DAB1: variants seen among roughly 807,000 people sequenced by gnomAD.
DAB1 encodes DAB adaptor protein 1.
A neutral mutation model predicts 64.6 loss-of-function variants in DAB1; 15 were observed. The ratio of observed to expected loss-of-function variants is 0.23; its 90% CI spans 0.16 to 0.36. The LOEUF is 0.36. Among genes scored for constraint, DAB1 ranks in the 10% least tolerant of loss-of-function variants. The probability of loss-of-function intolerance (pLI) is 1.00; values close to 1 mark genes in which losing one functional copy is unlikely to be tolerated. For missense variants in DAB1, 596 were observed against 706.7 expected (o/e 0.84, Z 1.78); for synonymous variants, 235 against 251.9 (o/e 0.93, Z 0.64).
chr1:58,232,476 TAC>T (rs58863239), intron 4 of DAB1, among the ~76,000 whole-genome samples: 6,873 of 143,910 alleles, frequency 0.048, 173 homozygotes, highest in South Asian at 0.066. Context: ...TCTGAGTGAA[TAC>T]ACACACACAC....
intron 4 of DAB1, among the ~76,000 whole-genome samples, chr1:58,192,746 G>A (rs971048714): frequency 6.6e-6 from 1 of 152,062 alleles, no homozygotes; most frequent in Non-Finnish European, 1.5e-5. Context: ...TTTTGCTATT[G>A]TGAATAGTGC....
chr1:57,804,071 C>T (rs1013754560), intron 6 of DAB1, among the ~76,000 whole-genome samples: 1 of 152,042 alleles, frequency 6.6e-6, no homozygotes, highest in African/African-American at 2.4e-5. Context: ...TTACTGGCAT[C>T]GTGATATGGT....
At chr1:57,983,987 T>C (rs1044876848) in intron 5 of DAB1, among the ~76,000 whole-genome samples, 2 of 151,930 alleles carry the variant, frequency 1.3e-5, no homozygotes, top group African/African-American at 2.4e-5. Flanking sequence ...CACATGCACA[T>C]GTGCACACAC....
chr1:58,522,344 T>C (rs1475771950), intron 2 of DAB1, among the ~76,000 whole-genome samples: 1 of 152,102 alleles, frequency 6.6e-6, no homozygotes, highest in Non-Finnish European at 1.5e-5. Context: ...GTGCAGAAAA[T>C]GCATTTGATA....
chr1:58,304,050 G>A (rs1557727214), intron 4 of DAB1, among the ~76,000 whole-genome samples: 1 of 152,066 alleles, frequency 6.6e-6, no homozygotes, highest in Non-Finnish European at 1.5e-5. Flanking sequence ...AAATAGACTT[G>A]CCCAGGGTGA....
At chr1:58,167,922 C>T (rs1174992511) in intron 4 of DAB1, among the ~76,000 whole-genome samples, 1 of 152,234 alleles carries the variant, frequency 6.6e-6, no homozygotes, top group Non-Finnish European at 1.5e-5. Flanking sequence ...GTAACACTCA[C>T]TGTGAGGGTC....
At chr1:57,351,092 A>C (rs1207057770) in intron 1 of DAB1, among the ~76,000 whole-genome samples, 2 of 152,170 alleles carry the variant, frequency 1.3e-5, no homozygotes, top group African/African-American at 4.8e-5. Context: ...TGTTATGAAG[A>C]GATGCACTAT....
At chr1:57,752,589 T>C (rs80294771) in intron 6 of DAB1, among the ~76,000 whole-genome samples, 4,107 of 152,202 alleles carry the variant, frequency 0.027, 88 homozygotes, top group Non-Finnish European at 0.038. Flanking sequence ...TAAATGAAAG[T>C]CTATTTGATT....
intron 3 of DAB1, among the ~76,000 whole-genome samples, chr1:58,452,740 A>T (rs2100296925): frequency 6.6e-6 from 1 of 152,118 alleles, no homozygotes; most frequent in Middle Eastern, 3.4e-3. Context: ...ACGCGGGAGA[A>T]TCACTTGAAC....
chr1:58,151,673 C>A (rs181893296), intron 4 of DAB1, among the ~76,000 whole-genome samples: 1,559 of 152,250 alleles, frequency 0.01, 8 homozygotes, highest in South Asian at 0.031. Context: ...CTCATTCATT[C>A]TTTTGTGCAT....
intron 5 of DAB1, among the ~76,000 whole-genome samples, chr1:57,893,522 C>T (rs1644348543): frequency 6.6e-6 from 1 of 152,086 alleles, no homozygotes; most frequent in Non-Finnish European, 1.5e-5. Context: ...TGGTCCCTGC[C>T]CTCAGGAAGC....
intron 2 of DAB1, among the ~76,000 whole-genome samples, chr1:57,283,634 C>T (rs1672087138): frequency 6.6e-6 from 1 of 152,238 alleles, no homozygotes; most frequent in Admixed American, 6.5e-5. Flanking sequence ...AGAAAATGTG[C>T]TGAGCCTTGA....
At chr1:57,424,887 G>A (rs921729301), upstream of DAB1, among the ~76,000 whole-genome samples, 1 of 152,142 alleles carries the variant, frequency 6.6e-6, no homozygotes. Context: ...TACTCCCCGC[G>A]ACTCCCCTAC....
At chr1:57,206,968 C>CTTTTTT (rs201111039) in intron 2 of DAB1, among the ~76,000 whole-genome samples, 4,564 of 84,270 alleles carry the variant, frequency 0.054, 235 homozygotes, top group Admixed American at 0.1. Flanking sequence ...TCCTTCCTTC[C>CTTTTTT]TTTTTTTTTT....
intron 1 of DAB1, among the ~76,000 whole-genome samples, chr1:57,415,266 C>CAA (rs1320935447): frequency 6.8e-6 from 1 of 146,330 alleles, no homozygotes. Flanking sequence ...CACACACACA[C>CAA]ACACACACAC....
chr1:57,927,465 C>A lies in DAB1; in HGVS notation n.388-43303G>T, dbSNP rs568916789. ...TGCACAGGTTGCAGTGAGCCATGAT[C>A]GCACCACTGCACTCCACCCTGGGTG... On this transcript the variant is annotated intron_variant and non_coding_transcript_variant, in intron 5 of 20. Transcript: ENST00000485760. Among the ~76,000 whole-genome samples the A allele has an allele frequency of 4.6e-5, 7 of 152,180 alleles. No homozygotes were observed. In the East Asian group the frequency reaches 1.2e-3, roughly 25 times the overall value.
chr1:58,427,016 C>T (rs1644827486), intron 3 of DAB1, among the ~76,000 whole-genome samples: 1 of 152,150 alleles, frequency 6.6e-6, no homozygotes, highest in African/African-American at 2.4e-5. Context: ...AGAGGAACAG[C>T]AAGTGCAAAG....
chr1:57,700,397 G>A (rs1646893430), intron 6 of DAB1, among the ~76,000 whole-genome samples: 1 of 152,114 alleles, frequency 6.6e-6, no homozygotes, highest in African/African-American at 2.4e-5. Context: ...TAAATACCCA[G>A]CTCCAAACTG....
intron 2 of DAB1, among the ~76,000 whole-genome samples, chr1:57,190,247 A>C (rs1664006853): frequency 6.6e-6 from 1 of 152,178 alleles, no homozygotes; most frequent in African/African-American, 2.4e-5. Context: ...CCATACTTTG[A>C]GAGCACTGCC....
Sources: gnomAD v4.1 joint callset for allele counts (sites outside exome capture counted in the v4.1 genomes callset) on GRCh38, gnomAD v4.1.1 for gene constraint, MANE v1.5 for transcripts, NCBI Gene and HGNC (gene_info 2026-07-23, HGNC 2026-07-21) for gene names.